TPTE2: variants seen among roughly 807,000 people sequenced by gnomAD.
TPTE2 encodes the protein phosphatidylinositol 3,4,5-trisphosphate 3-phosphatase TPTE2.
In TPTE2, 53 loss-of-function variants were observed where a neutral mutation model predicts 78.6. The ratio of observed to expected loss-of-function variants is 0.67; its 90% CI spans 0.54 to 0.85. The LOEUF (loss-of-function observed/expected upper bound fraction) is 0.85, where lower values mean the gene tolerates loss of function less well. Among genes scored for constraint, TPTE2 ranks in the 40% least tolerant of loss-of-function variants. TPTE2 has a pLI of 0.00. For synonymous variants in TPTE2, 175 were observed against 206.2 expected, an observed-to-expected ratio of 0.85 and a Z score of 1.30; for missense variants, 461 against 623.0, an observed-to-expected ratio of 0.74 and a Z score of 2.77.
chr13:19,486,387 G>A lies in TPTE2; in HGVS notation c.120-3840C>T, dbSNP rs1208477872. ...GCTCACTGGGCTGTTTCTCAGGGTA[G>A]GGGTGTGTGCAGGCATACACTGGGT... is the stretch of plus-strand genomic sequence containing the variant. On this transcript the variant is annotated intron_variant, in intron 3 of 19. Transcript: ENST00000400230. This position sits in a 1 kb window ranked among gnomAD's most constrained non-coding sequence, Gnocchi z 4.3. Among the ~76,000 whole-genome samples the A allele has an allele frequency of 2.0e-5, 3 of 152,308 alleles. No individual in the cohort carries two copies. The highest frequency in any genetic ancestry group is 4.4e-5 in the Non-Finnish European group (3 of 68,022).
chr13:19,461,793 T>C (rs1217561161), intron 10 of TPTE2, among the ~76,000 whole-genome samples: 1 of 152,180 alleles, frequency 6.6e-6, no homozygotes, highest in East Asian at 1.9e-4. Context: ...TTAAAGTCTG[T>C]TTTTATCTGA....
chr13:19,493,646 T>C (rs1482952607), intron 1 of TPTE2, 145 bp from the exon 5 acceptor site: 2 of 765,058 alleles, frequency 2.6e-6, no homozygotes, highest in African/African-American at 3.4e-5. Context: ...CTGGAATGTC[T>C]ATTTTTCTTT....
intron 1 of TPTE2, among the ~76,000 whole-genome samples, chr13:19,524,117 T>G (rs1362756510): frequency 6.6e-6 from 1 of 152,080 alleles, no homozygotes; most frequent in Non-Finnish European, 1.5e-5. Context: ...TCTGGTTAAC[T>G]GACTAATAGG....
intron 10 of TPTE2, among the ~76,000 whole-genome samples, chr13:19,462,109 T>A (rs1270197368): frequency 1.3e-5 from 2 of 151,964 alleles, no homozygotes; most frequent in African/African-American, 4.8e-5. Context: ...CTATTTTTTT[T>A]TAATCTTTGT....
intron 3 of TPTE2, among the ~76,000 whole-genome samples, chr13:19,489,446 C>CAT (rs1294777664): frequency 6.6e-6 from 1 of 150,606 alleles, no homozygotes; most frequent in Admixed American, 6.6e-5. Flanking sequence ...TGTATATATA[C>CAT]ATATATATGC....
chr13:19,423,103 G>A, exon 20 of TPTE2: 1 of 1,612,130 alleles, frequency 6.2e-7, no homozygotes, highest in East Asian at 2.2e-5. Flanking sequence ...AATTCTGGTG[G>A]ATAAATTTTC....
intron 1 of TPTE2, among the ~76,000 whole-genome samples, chr13:19,509,097 T>C (rs1006665967): frequency 2.0e-5 from 3 of 152,132 alleles, no homozygotes; most frequent in Non-Finnish European, 4.4e-5. Context: ...AACTGATTGA[T>C]AATAACATGA....
At chr13:19,475,657 T>C in intron 4 of TPTE2, 34 bp from the exon 8 acceptor site, 1 of 1,599,024 alleles carries the variant, frequency 6.3e-7, no homozygotes, top group Non-Finnish European at 8.5e-7. Flanking sequence ...ATTAACCAGA[T>C]TTCTTCTTAT....
At chr13:19,506,160 CTTT>C (rs71092369), upstream of TPTE2, among the ~76,000 whole-genome samples, 5 of 32,850 alleles carry the variant, frequency 1.5e-4, no homozygotes, top group South Asian at 2.9e-3. Context: ...GTATATAAAT[CTTT>C]TTTTTTTTTT....
At chr13:19,451,847 A>G (rs1348852098) in intron 10 of TPTE2, among the ~76,000 whole-genome samples, 12 of 147,772 alleles carry the variant, frequency 8.1e-5, no homozygotes, top group African/African-American at 2.8e-4. Flanking sequence ...GTGTGTGTAT[A>G]TATGTATAAC....
At chr13:19,561,073 G>C in the TPTE2 span, 1 of 1,586,610 alleles carries the variant, frequency 6.3e-7, no homozygotes, top group Non-Finnish European at 8.6e-7. Flanking sequence ...CGCCCTGCTC[G>C]CCAGGCCCAG....
rs138750727 is a variant in TPTE2 at position 19,515,437 on chromosome 13, A to C, written c.-43-12160T>G. On this transcript the variant is annotated intron_variant, in intron 1 of 17. Transcript: ENST00000390680. ...AATTTTGGACTCTGATCAATAGCTCAAACCTTTAAGCACAGATAGACATTA... is the reference window on the plus strand; with the variant it reads ...AATTTTGGACTCTGATCAATAGCTCCAACCTTTAAGCACAGATAGACATTA... Among the ~76,000 whole-genome samples, 1,481 of 152,326 alleles carry C rather than the reference A, an allele frequency of 9.7e-3. 7 individuals are homozygous for C. The highest frequency in any genetic ancestry group is 0.017 in the Non-Finnish European group (1,171 of 68,018).
chr13:19,435,385 T>C (rs1029531812), intron 15 of TPTE2, among the ~76,000 whole-genome samples: 1 of 152,154 alleles, frequency 6.6e-6, no homozygotes, highest in Non-Finnish European at 1.5e-5. Flanking sequence ...CGACTGAAAT[T>C]TCCTTTACAA....
chr13:19,520,698 G>C (rs1303133401), intron 1 of TPTE2, among the ~76,000 whole-genome samples: 1 of 151,774 alleles, frequency 6.6e-6, no homozygotes, highest in African/African-American at 2.4e-5. Context: ...ATTATTTATT[G>C]AGATCTTTCT....
the TPTE2 span, among the ~76,000 whole-genome samples, chr13:19,544,193 A>T: frequency 1.4e-4 from 21 of 152,230 alleles, no homozygotes; most frequent in Non-Finnish European, 1.3e-4. Flanking sequence ...CAGTGGATAT[A>T]AAAACATGAA....
chr13:19,544,780 C>T, the TPTE2 span, among the ~76,000 whole-genome samples: 1 of 152,072 alleles, frequency 6.6e-6, no homozygotes, highest in Non-Finnish European at 1.5e-5. Context: ...CGCCTGTCAC[C>T]CCAGCTATCA....
the TPTE2 span, among the ~76,000 whole-genome samples, chr13:19,545,471 A>T: frequency 6.6e-6 from 1 of 152,208 alleles, no homozygotes; most frequent in Non-Finnish European, 1.5e-5. Flanking sequence ...ATAAGAGAAG[A>T]ATAAAGTGAA....
chr13:19,485,901 T>A (rs1039941423), intron 3 of TPTE2, among the ~76,000 whole-genome samples: 2 of 152,170 alleles, frequency 1.3e-5, no homozygotes, highest in African/African-American at 4.8e-5. Flanking sequence ...GTATCTTTAC[T>A]GAATTTCTCT....
intron 17 of TPTE2, among the ~76,000 whole-genome samples, chr13:19,427,664 A>T (rs1312519850): frequency 6.6e-6 from 1 of 152,056 alleles, no homozygotes; most frequent in Non-Finnish European, 1.5e-5. Flanking sequence ...GGAGGGGGAG[A>T]GTGGGGTCCC....
Sources: gnomAD v4.1 joint callset for allele counts (sites outside exome capture counted in the v4.1 genomes callset) on GRCh38, gnomAD v4.1.1 for gene constraint, Gnocchi (gnomAD v3.1) non-coding constraint, MANE v1.5 for transcripts, NCBI Gene and HGNC (gene_info 2026-07-23, HGNC 2026-07-21) for gene names.